TRAK2: variants seen among roughly 807,000 people sequenced by gnomAD.
TRAK2 encodes the protein trafficking kinesin-binding protein 2.
Under a neutral mutation model 104.6 loss-of-function variants are expected in TRAK2, and 81 were observed. The ratio of observed to expected loss-of-function variants is 0.77; its 90% confidence interval spans 0.65 to 0.93. The LOEUF (loss-of-function observed/expected upper bound fraction) is 0.93, where lower values mean the gene tolerates loss of function less well. TRAK2 is among the 40% of genes least tolerant of loss of function. TRAK2 has a pLI of 0.00. For missense variants in TRAK2, 1,002 were observed against 1,089.0 expected (o/e 0.92, Z 1.12); for synonymous variants, 406 against 394.4 (o/e 1.03, Z -0.35).
intron 1 of TRAK2, among the ~76,000 whole-genome samples, chr2:201,423,995 T>C (rs1951765053): frequency 6.6e-6 from 1 of 152,240 alleles, no homozygotes; most frequent in Admixed American, 6.5e-5. Flanking sequence ...TTAATTCCAG[T>C]TGTCAAAAAT....
At chr2:201,429,607 T>A (rs1295621864) in intron 1 of TRAK2, among the ~76,000 whole-genome samples, 1 of 152,218 alleles carries the variant, frequency 6.6e-6, no homozygotes, top group Non-Finnish European at 1.5e-5. Context: ...TTAATTTTAT[T>A]CATTTGATCT....
At chr2:201,390,266 C>T (rs370107691) in intron 10 of TRAK2, among the ~76,000 whole-genome samples, 3 of 151,558 alleles carry the variant, frequency 2.0e-5, no homozygotes, top group Non-Finnish European at 2.9e-5. Flanking sequence ...TATAGCTGGC[C>T]GGGTGCGGTG....
intron 2 of TRAK2, chr2:201,411,456 C>A: frequency 1.3e-6 from 1 of 744,188 alleles, no homozygotes; most frequent in South Asian, 1.3e-5. Context: ...CATTTGATTT[C>A]CTATGTCCAA....
At chr2:201,400,767 TGCTTTTCTAGGAAGGGGAG>T (rs1951543983) in intron 4 of TRAK2, among the ~76,000 whole-genome samples, 2 of 152,188 alleles carry the variant, frequency 1.3e-5, no homozygotes, top group Middle Eastern at 3.4e-3. Context: ...TTAAGATTAA[TGCTTTTCTAGGAAGGGGAG>T]GCAAGTCAAC....
intron 2 of TRAK2, chr2:201,412,423 G>T: frequency 7.8e-7 from 1 of 1,284,488 alleles, no homozygotes; most frequent in Non-Finnish European, 1.1e-6. Flanking sequence ...AACTTCCTCA[G>T]GTATATTTAT....
chr2:201,418,248 T>C (rs1048840623), intron 2 of TRAK2, among the ~76,000 whole-genome samples: 1 of 152,200 alleles, frequency 6.6e-6, no homozygotes, highest in Admixed American at 6.5e-5. Flanking sequence ...GGCACACTCA[T>C]AGCTCACTGC....
Position 201,412,554 on chromosome 2 carries a change from T to G in TRAK2, c.92-4957A>C. The G allele has an allele frequency of 5.5e-6, 7 of 1,281,920 alleles. No individual in the cohort carries two copies. In the South Asian group the frequency reaches 6.1e-5, roughly 11 times the overall value. 79.4% of individuals were successfully genotyped at this position (1,281,920 alleles called of 1,614,324 possible). On this transcript the variant is annotated intron_variant, in intron 2 of 15. Coordinates refer to ENST00000332624, the MANE Select transcript of TRAK2 (RefSeq NM_015049.3). ...TATTAAATACAGCATACATAACAGTTCCTAAAGAATATATATCACTGACTG... is the reference window on the plus strand; with the variant it reads ...TATTAAATACAGCATACATAACAGTGCCTAAAGAATATATATCACTGACTG...
intron 10 of TRAK2, among the ~76,000 whole-genome samples, chr2:201,390,670 T>TC (rs1559439086): frequency 6.6e-6 from 1 of 151,528 alleles, no homozygotes; most frequent in African/African-American, 2.4e-5. Context: ...AGCTTCCTCT[T>TC]CCCCCCAGTC....
At chr2:201,407,631 A>G (rs1951607278) in intron 2 of TRAK2, 34 bp from the exon 3 acceptor site, 1 of 1,545,048 alleles carries the variant, frequency 6.5e-7, no homozygotes, top group Non-Finnish European at 8.7e-7. Flanking sequence ...TGAATCCAAT[A>G]TATTTCAACT....
chr2:201,390,992 T>C (rs963200436), intron 10 of TRAK2, among the ~76,000 whole-genome samples: 2 of 151,980 alleles, frequency 1.3e-5, no homozygotes. Flanking sequence ...TATATACACA[T>C]ATATAGTATA....
At chr2:201,412,412 G>C in intron 2 of TRAK2, 1 of 1,307,296 alleles carries the variant, frequency 7.6e-7, no homozygotes, top group Non-Finnish European at 1.1e-6. Context: ...ACATGTTCAC[G>C]AACTTCCTCA....
intron 13 of TRAK2, among the ~76,000 whole-genome samples, chr2:201,387,185 T>C (rs1268928584): frequency 1.3e-5 from 2 of 152,186 alleles, no homozygotes; most frequent in East Asian, 1.9e-4. Context: ...CATTCAATGA[T>C]TGTCATTGTT....
rs998830660 is a variant in TRAK2 at position 201,380,420 on chromosome 2, C to A, written c.*123G>T. The A allele has an allele frequency of 3.9e-6, 4 of 1,031,194 alleles. No homozygotes were observed. The African/African-American group carries it at 6.5e-5, about 17-fold the overall frequency. The allele number at this position is 1,031,194 out of a possible 1,614,324, so 63.9% of individuals were successfully genotyped here. On this transcript the variant is annotated 3_prime_UTR_variant, in exon 16 of 16. Transcript: ENST00000332624. Reference sequence around the variant, plus strand: ...TTTTATTTCCATTCCTCCATTCCCCCTTTCACATTCACAACCCTTGTGCAA... The same window carrying A: ...TTTTATTTCCATTCCTCCATTCCCCATTTCACATTCACAACCCTTGTGCAA...
chr2:201,401,103 G>A lies in TRAK2; in HGVS notation c.287-9C>T. 6.3e-7 allele frequency: 1 copy of A among 1,579,576 alleles called. No individual in the cohort carries two copies. The highest frequency in any genetic ancestry group is 2.3e-5 in the East Asian group (1 of 44,208). On this transcript the variant is annotated splice_polypyrimidine_tract_variant and intron_variant, in intron 3 of 15. Coordinates refer to ENST00000332624, the MANE Select transcript of TRAK2 (RefSeq NM_015049.3). Reference sequence around the variant, plus strand: ...CCTGTCTGTGCCTAGAACTAATATAGTTAAAAACAACTATTTATAGGCTTT... The same window carrying A: ...CCTGTCTGTGCCTAGAACTAATATAATTAAAAACAACTATTTATAGGCTTT...
chr2:201,405,793 A>G (rs886696919), intron 3 of TRAK2, among the ~76,000 whole-genome samples: 9 of 152,216 alleles, frequency 5.9e-5, no homozygotes, highest in South Asian at 2.1e-4. Flanking sequence ...GACCAGCCCA[A>G]TCAACATGGT....
chr2:201,411,010 C>T lies in TRAK2; in HGVS notation c.92-3413G>A. The T allele has an allele frequency of 4.3e-6, 6 of 1,381,204 alleles. No individual in the cohort carries two copies. The East Asian group carries it at 6.9e-5, about 16-fold the overall frequency. The allele number at this position is 1,381,204 out of a possible 1,614,324, so 85.6% of individuals were successfully genotyped here. On this transcript the variant is annotated intron_variant, in intron 2 of 15. Transcript: ENST00000332624. ...CCTGAAGTCTGAAAGCCCATATTGA[C>T]ATTTAGGCCATTTGTCAAATTTCTC...
intron 1 of TRAK2, among the ~76,000 whole-genome samples, chr2:201,449,215 T>C (rs1951989854): frequency 6.6e-6 from 1 of 152,184 alleles, no homozygotes; most frequent in South Asian, 2.1e-4. Flanking sequence ...AAGGTGTGTG[T>C]TGGAACCAGT....
At chr2:201,423,969 C>T (rs7582946) in intron 1 of TRAK2, among the ~76,000 whole-genome samples, 107,920 of 152,074 alleles carry the variant, frequency 0.71, 38,587 homozygotes, top group South Asian at 0.88. Context: ...AATATATTAA[C>T]TCAGATACTT....
At chr2:201,415,685 A>G (rs1169155149) in intron 2 of TRAK2, among the ~76,000 whole-genome samples, 1 of 152,188 alleles carries the variant, frequency 6.6e-6, no homozygotes, top group Non-Finnish European at 1.5e-5. Context: ...AATGAAGCAC[A>G]GAGAAAAAAA....
Sources: allele counts gnomAD v4.1 joint callset (sites outside exome capture counted in the v4.1 genomes callset), GRCh38; gene constraint gnomAD v4.1.1; transcripts MANE v1.5; gene names NCBI Gene and HGNC (gene_info 2026-07-23, HGNC 2026-07-21).